BST1: variants seen among roughly 807,000 people sequenced by gnomAD.
BST1 encodes ADP-ribosyl cyclase/cyclic ADP-ribose hydrolase 2.
Under a neutral mutation model 40.6 loss-of-function variants are expected in BST1, and 49 were observed. The ratio of observed to expected loss-of-function variants is 1.21; its 90% CI spans 0.96 to 1.53. The LOEUF is 1.53. Ranked by LOEUF, BST1 falls within the 40% of genes most tolerant of loss-of-function variation. The pLI is 0.00. For synonymous variants in BST1, 157 were observed against 159.3 expected, an observed-to-expected ratio of 0.99 and a Z score of 0.11; for missense variants, 423 against 395.9, an observed-to-expected ratio of 1.07 and a Z score of -0.58.
At position 15,726,817 on chromosome 4, in the gene BST1, G is replaced by A. The variant is rs1721138178; in HGVS notation, c.851+3883G>A. Among the ~76,000 whole-genome samples the A allele has an allele frequency of 3.3e-5, 5 of 151,636 alleles. No homozygotes were observed. The South Asian group carries it at 1.0e-3, about 32-fold the overall frequency. On this transcript the variant is annotated intron_variant, in intron 8 of 8. Coordinates refer to ENST00000265016, the MANE Select transcript of BST1 (RefSeq NM_004334.3). The stretch of plus-strand genomic sequence containing the variant: ...ACCAGTGCCTTGGGTTAGCTCCCCT[G>A]CTGCAGGAAGAATAAGGAGAACGAG...
At chr4:15,731,242 T>C in intron 8 of BST1, 1 of 474,904 alleles carries the variant, frequency 2.1e-6, no homozygotes, top group South Asian at 2.1e-5. Flanking sequence ...TCCTGCCTTA[T>C]TTAGGACTGG....
At chr4:15,728,779 G>A (rs897923232) in intron 8 of BST1, among the ~76,000 whole-genome samples, 5 of 151,686 alleles carry the variant, frequency 3.3e-5, no homozygotes, top group African/African-American at 1.2e-4. Flanking sequence ...CCAAGTAGCT[G>A]GGCCCACAGG....
At chr4:15,752,863 C>T in the BST1 span, among the ~76,000 whole-genome samples, 1 of 152,136 alleles carries the variant, frequency 6.6e-6, no homozygotes, top group African/African-American at 2.4e-5. Context: ...TAAAGGCCCA[C>T]TGGAGAGAGG....
chr4:15,745,071 A>G, the BST1 span, among the ~76,000 whole-genome samples: 1 of 152,248 alleles, frequency 6.6e-6, no homozygotes, highest in South Asian at 2.1e-4. Flanking sequence ...GCAACTTTGC[A>G]GGTAATAAAA....
chr4:15,731,887 C>T lies in BST1; in HGVS notation c.*42C>T. The T allele has an allele frequency of 6.3e-7, 1 of 1,588,462 alleles. No homozygotes were observed. Among genetic ancestry groups the T allele is most frequent in the Non-Finnish European group, 8.6e-7 (1 of 1,166,416 alleles). On this transcript the variant is annotated 3_prime_UTR_variant, in exon 9 of 9. Transcript: ENST00000265016. ...TCTAACCCTCCTCCAGCCCTGCAGCCTCCCCTTGCAGTCATCATTCGTGTT... is the reference window on the plus strand; with the variant it reads ...TCTAACCCTCCTCCAGCCCTGCAGCTTCCCCTTGCAGTCATCATTCGTGTT...
downstream of BST1, chr4:15,736,067 G>C (rs1446409879): frequency 7.8e-7 from 1 of 1,288,370 alleles, no homozygotes; most frequent in Non-Finnish European, 1.0e-6. Flanking sequence ...AAGAGGCTAT[G>C]TGGGACATTA....
At chr4:15,737,500 A>T (rs1721610602), downstream of BST1, among the ~76,000 whole-genome samples, 1 of 152,210 alleles carries the variant, frequency 6.6e-6, no homozygotes, top group South Asian at 2.1e-4. Context: ...AAAAGCAGCT[A>T]AGAAAACCAG....
intron 1 of BST1, among the ~76,000 whole-genome samples, chr4:15,705,278 G>C (rs899237649): frequency 6.6e-6 from 1 of 151,918 alleles, no homozygotes; most frequent in Non-Finnish European, 1.5e-5. Flanking sequence ...TGAGCCTGGG[G>C]CAAGGCTGTA....
At chr4:15,724,897 C>T (rs1721013911) in intron 8 of BST1, among the ~76,000 whole-genome samples, 1 of 152,130 alleles carries the variant, frequency 6.6e-6, no homozygotes, top group Non-Finnish European at 1.5e-5. Context: ...CTGGGTTTAG[C>T]ACTTGAAAGG....
the BST1 span, among the ~76,000 whole-genome samples, chr4:15,764,983 A>T: frequency 1.3e-5 from 2 of 151,838 alleles, no homozygotes. Flanking sequence ...CCAACCAGCT[A>T]GGTAAACTTG....
the BST1 span, among the ~76,000 whole-genome samples, chr4:15,753,501 A>G: frequency 2.6e-5 from 4 of 152,140 alleles, no homozygotes; most frequent in African/African-American, 9.7e-5. Flanking sequence ...TTGCATAATT[A>G]TTAGTAGCAT....
chr4:15,726,521 T>A (rs982488553), intron 8 of BST1, among the ~76,000 whole-genome samples: 3 of 152,310 alleles, frequency 2.0e-5, no homozygotes, highest in Middle Eastern at 3.4e-3. Context: ...AGAAAAAGAA[T>A]CCTTGTGTGG....
chr4:15,732,481 CT>C lies in BST1; in HGVS notation c.*637del, dbSNP rs1721417784. On this transcript the variant is annotated 3_prime_UTR_variant, in exon 9 of 9. Coordinates refer to ENST00000265016, the MANE Select transcript of BST1 (RefSeq NM_004334.3). Reference sequence around the variant, plus strand: ...TGCAGGTGCCTGCCACCATGTCCAGCTAATTTTTGTATTTTTAGTAGAGATG... The same window carrying C: ...TGCAGGTGCCTGCCACCATGTCCAGCAATTTTTGTATTTTTAGTAGAGATG... 6.6e-6 allele frequency: 1 copy of C among 152,176 alleles called. No homozygotes were observed. Among genetic ancestry groups the C allele is most frequent in the African/African-American group, 2.4e-5 (1 of 41,406 alleles). 9.4% of individuals were successfully genotyped at this position (152,176 alleles called of 1,614,324 possible).
chr4:15,736,066 T>C (rs1721550257), downstream of BST1: 1 of 1,288,470 alleles, frequency 7.8e-7, no homozygotes, highest in Non-Finnish European at 1.0e-6. Flanking sequence ...CAAGAGGCTA[T>C]GTGGGACATT....
At chr4:15,743,861 C>G in the BST1 span, among the ~76,000 whole-genome samples, 5 of 152,200 alleles carry the variant, frequency 3.3e-5, no homozygotes, top group African/African-American at 1.2e-4. Flanking sequence ...CTGTCTGAGC[C>G]TTCCATTAGG....
intron 8 of BST1, chr4:15,723,623 A>G: frequency 5.1e-6 from 5 of 983,752 alleles, no homozygotes; most frequent in Non-Finnish European, 6.0e-6. Flanking sequence ...TTGTTTTGCT[A>G]TTATAAACAA....
At chr4:15,718,410 G>T (rs917635921) in intron 6 of BST1, among the ~76,000 whole-genome samples, 37 of 152,270 alleles carry the variant, frequency 2.4e-4, no homozygotes, top group African/African-American at 8.9e-4. Context: ...ACACCAAAAT[G>T]TTAACAGAGC....
intron 7 of BST1, among the ~76,000 whole-genome samples, chr4:15,719,880 G>C (rs1224922508): frequency 6.6e-6 from 1 of 152,190 alleles, no homozygotes; most frequent in Non-Finnish European, 1.5e-5. Context: ...AGGCTGTTCT[G>C]TTATCTGTAC....
chr4:15,710,477 C>T (rs910855917), intron 3 of BST1, among the ~76,000 whole-genome samples: 3 of 152,120 alleles, frequency 2.0e-5, no homozygotes, highest in Non-Finnish European at 2.9e-5. Flanking sequence ...TTGAAATATA[C>T]AATACACTAT....
Sources: allele counts gnomAD v4.1 joint callset (sites outside exome capture counted in the v4.1 genomes callset), GRCh38; gene constraint gnomAD v4.1.1; transcripts MANE v1.5; gene names NCBI Gene and HGNC (gene_info 2026-07-23, HGNC 2026-07-21).